The following LAMA4 variants were observed in gnomAD, a reference collection of about 807,000 sequenced individuals.
The protein encoded by LAMA4 is laminin subunit alpha-4.
LAMA4 carries 127 observed loss-of-function variants against 207.1 expected under a neutral mutation model. The ratio of observed to expected loss-of-function variants is 0.61; its 90% CI spans 0.53 to 0.71. The LOEUF is 0.71. LAMA4 is among the 30% of genes least tolerant of loss of function. The probability of loss-of-function intolerance (pLI) is 0.00; values close to 1 mark genes in which losing one functional copy is unlikely to be tolerated. For missense variants in LAMA4, 2,093 were observed against 2,246.5 expected (o/e 0.93, Z 1.38); for synonymous variants, 761 against 816.0 (o/e 0.93, Z 1.15).
chr6:112,145,341 C>T lies in LAMA4; in HGVS notation c.2354-408G>A, dbSNP rs1779958533. Among the ~76,000 whole-genome samples, 8 of 152,214 alleles carry T rather than the reference C, an allele frequency of 5.3e-5. No homozygotes were observed. In the South Asian group the frequency reaches 1.7e-3, roughly 32 times the overall value. On this transcript the variant is annotated intron_variant, in intron 18 of 38. Coordinates refer to ENST00000230538, the MANE Select transcript of LAMA4 (RefSeq NM_001105206.3). ...CAGACGGACAGAGGGAGAGCCAGGG[C>T]TCAACATGGCTCAGGCGTGCTGGTG...
intron 10 of LAMA4, among the ~76,000 whole-genome samples, chr6:112,176,040 A>G (rs1226193607): frequency 2.0e-5 from 3 of 152,226 alleles, no homozygotes; most frequent in African/African-American, 7.2e-5. Flanking sequence ...ATTATTTCAC[A>G]GGCTAAATAC....
chr6:112,246,824 T>C (rs1584012312), intron 2 of LAMA4, among the ~76,000 whole-genome samples: 1 of 152,170 alleles, frequency 6.6e-6, no homozygotes, highest in Non-Finnish European at 1.5e-5. Context: ...CCAGCTGCTG[T>C]TGGCTTTTTT....
At chr6:112,250,139 T>G (rs1474917018) in intron 2 of LAMA4, among the ~76,000 whole-genome samples, 5 of 152,220 alleles carry the variant, frequency 3.3e-5, no homozygotes, top group Non-Finnish European at 7.3e-5. Flanking sequence ...GGGTTCAGAT[T>G]ACCTAATTGA....
chr6:112,223,856 C>T (rs1201866309), intron 2 of LAMA4, among the ~76,000 whole-genome samples: 16 of 152,226 alleles, frequency 1.1e-4, no homozygotes, highest in African/African-American at 3.9e-4. Context: ...TCCCAAACTT[C>T]TATTGTACCC....
chr6:112,181,870 G>A (rs945886756), intron 9 of LAMA4, among the ~76,000 whole-genome samples: 3 of 152,030 alleles, frequency 2.0e-5, no homozygotes, highest in South Asian at 2.1e-4. Flanking sequence ...AGGCCGAGGC[G>A]GGTGGATCAC....
Position 112,158,751 on chromosome 6 carries a change from C to G in LAMA4, c.1798G>C (p.Glu600Gln). The change falls in exon 14 of 39, where the codon GAA becomes CAA. Residue 600 changes from glutamate (E) to glutamine (Q), a missense_variant. Glu to Gln is a conservative substitution (Grantham distance 29, BLOSUM62 2). Transcript: ENST00000230538. ...TATTACCTGCTCAATTCATTAGCTTCTTGTTGAAGGTCCTGTGCATGGTCA... is the reference window on the plus strand; with the variant it reads ...TATTACCTGCTCAATTCATTAGCTTGTTGTTGAAGGTCCTGTGCATGGTCA... ...AIDHAQDLQQ[E>Q]ANELSRKLHS... The G allele has an allele frequency of 1.2e-6, 2 of 1,613,762 alleles. No individual in the cohort carries two copies. The highest frequency in any genetic ancestry group is 1.1e-5 in the South Asian group (1 of 91,076).
intron 17 of LAMA4, 131 bp from the exon 18 acceptor site, chr6:112,148,467 G>T: frequency 1.1e-6 from 1 of 879,578 alleles, no homozygotes; most frequent in South Asian, 1.5e-5. Context: ...TAAGATTTTT[G>T]GATAACCATG....
chr6:112,179,786 C>A, intron 9 of LAMA4: 1 of 317,802 alleles, frequency 3.1e-6, no homozygotes, highest in Admixed American at 4.7e-5. Context: ...GAAGGGTAAT[C>A]CCCTCCCTAC....
intron 5 of LAMA4, chr6:112,200,219 G>C (rs782072711): frequency 7.7e-6 from 4 of 520,436 alleles, no homozygotes; most frequent in Middle Eastern, 6.4e-4. Context: ...GAAAAAGAGA[G>C]AAAAGAGTGT....
intron 13 of LAMA4, among the ~76,000 whole-genome samples, chr6:112,164,612 C>T (rs1195366494): frequency 6.6e-6 from 1 of 152,170 alleles, no homozygotes; most frequent in African/African-American, 2.4e-5. Flanking sequence ...ATCAAATGAC[C>T]TTAAAGTGAT....
At chr6:112,183,820 G>A (rs1033363727) in intron 9 of LAMA4, among the ~76,000 whole-genome samples, 1 of 151,818 alleles carries the variant, frequency 6.6e-6, no homozygotes, top group East Asian at 1.9e-4. Flanking sequence ...GCGTGGTGGT[G>A]TGTGCCTGTA....
At chr6:112,142,035 T>C (rs1779726457) in intron 20 of LAMA4, 84 bp downstream of exon 20, 7 of 1,421,596 alleles carry the variant, frequency 4.9e-6, no homozygotes, top group Non-Finnish European at 6.0e-6. Context: ...TTGGTTTGTT[T>C]GCCTAGGTGG....
At chr6:112,205,771 A>T (rs1184464810) in intron 4 of LAMA4, among the ~76,000 whole-genome samples, 6 of 152,126 alleles carry the variant, frequency 3.9e-5, no homozygotes, top group Non-Finnish European at 5.9e-5. Context: ...GGAACCAAAC[A>T]TGTAATTGGA....
chr6:112,155,486 G>T (rs1379024432), intron 15 of LAMA4, 79 bp downstream of exon 15: 2 of 1,497,832 alleles, frequency 1.3e-6, no homozygotes, highest in Admixed American at 1.7e-5. Context: ...TTTCACACTG[G>T]AAGTTCAAGA....
rs782667094 is a variant in LAMA4, at chr6:112,191,807, T to C, written c.547A>G (p.Thr183Ala). The C allele has an allele frequency of 1.5e-4, 250 of 1,613,998 alleles. No homozygotes were observed. The highest frequency in any genetic ancestry group is 2.1e-4 in the Non-Finnish European group (246 of 1,180,008). Residue 183 changes from threonine (T) to alanine (A), a missense_variant, in exon 6 of 39, where the codon ACC becomes GCC. By Grantham distance (58) the Thr-to-Ala change is moderately conservative. Transcript: ENST00000230538. ...YYGNPLLIGS[T>A]CKKCDCSGNS... ...CCACTGCAGTCACATTTCTTACAGGTGCTTCCAATGAGTAAGGGGTTTCCA... is the reference window on the plus strand; with the variant it reads ...CCACTGCAGTCACATTTCTTACAGGCGCTTCCAATGAGTAAGGGGTTTCCA...
chr6:112,207,735 C>T (rs73542558), intron 3 of LAMA4, among the ~76,000 whole-genome samples: 8,324 of 151,562 alleles, frequency 0.055, 722 homozygotes, highest in African/African-American at 0.19. Flanking sequence ...GTATGATTTT[C>T]CCACTTGTAG....
chr6:112,170,437 TCTTA>T (rs1453881466), intron 12 of LAMA4, among the ~76,000 whole-genome samples: 1 of 152,190 alleles, frequency 6.6e-6, no homozygotes, highest in Non-Finnish European at 1.5e-5. Context: ...GTTGTTTCTG[TCTTA>T]CTTAAATGCT....
At chr6:112,177,605 A>G (rs1042055117) in intron 10 of LAMA4, among the ~76,000 whole-genome samples, 1 of 152,184 alleles carries the variant, frequency 6.6e-6, no homozygotes, top group Non-Finnish European at 1.5e-5. Flanking sequence ...AATCATTCAC[A>G]ATGCTTTAGG....
At chr6:112,168,054 C>T (rs567264859) in intron 12 of LAMA4, among the ~76,000 whole-genome samples, 7 of 151,958 alleles carry the variant, frequency 4.6e-5, no homozygotes, top group Admixed American at 1.3e-4. Flanking sequence ...AAAAATTAGC[C>T]GGGCGTGGTG....
Sources: allele counts gnomAD v4.1 joint callset (sites outside exome capture counted in the v4.1 genomes callset), GRCh38; gene constraint gnomAD v4.1.1; transcripts MANE v1.5; gene names NCBI Gene and HGNC (gene_info 2026-07-23, HGNC 2026-07-21).